The following EPG5 variants were observed in gnomAD, a reference collection of about 807,000 sequenced individuals.
EPG5 encodes the protein ectopic P-granules 5 autophagy tethering factor, also known as ectopic P granules protein 5 homolog.
EPG5 carries 159 observed loss-of-function variants against 302.7 expected under a neutral mutation model. The observed-to-expected ratio is 0.53, with a 90% confidence interval of 0.46 to 0.60. The LOEUF (loss-of-function observed/expected upper bound fraction) is 0.60. Among genes scored for constraint, EPG5 ranks in the 20% least tolerant of loss-of-function variants. The pLI is 0.00. For missense variants in EPG5, 2,896 were observed against 3,092.4 expected (o/e 0.94, Z 1.51); for synonymous variants, 1,158 against 1,136.8 (o/e 1.02, Z -0.37).
chr18:45,927,612 A>G lies in EPG5; in HGVS notation c.2553+1257T>C, dbSNP rs1037454065. Among the ~76,000 whole-genome samples the G allele has an allele frequency of 7.3e-5, 11 of 151,302 alleles. No individual in the cohort carries two copies. In the East Asian group the frequency reaches 1.9e-3, roughly 27 times the overall value. ...AAGTTATACACACACACACACACAC[A>G]CACACACACACACACACACACGCAC... On this transcript the variant is annotated intron_variant, in intron 13 of 43. Coordinates refer to ENST00000282041, the MANE Select transcript of EPG5 (RefSeq NM_020964.3).
Position 45,955,049 on chromosome 18 carries a change from A to C in EPG5, c.353T>G (p.Val118Gly). The change falls in exon 2 of 44, where the codon GTC (valine) becomes GGC (glycine). Residue 118 changes from valine to glycine, a missense_variant. Val to Gly is a moderately radical substitution (Grantham distance 109). This residue lies in a region of EPG5 where 1,390 missense variants were observed against 1,430.0 expected (regional missense o/e 0.97). Transcript: ENST00000282041. The part of the protein sequence containing the change: ...EARPCVGDSA[V>G]TPKVHPGDNV... ...GTCTCCAGGGTGGACCTTTGGAGTG[A>C]CTGCACTGTCCCCCACACAGGGTCT... The C allele has an allele frequency of 1.9e-6, 3 of 1,614,156 alleles. No homozygotes were observed. Among genetic ancestry groups the C allele is most frequent in the Non-Finnish European group, 2.5e-6 (3 of 1,180,012 alleles).
At chr18:45,876,184 C>T in intron 35 of EPG5, 52 bp downstream of exon 35, 1 of 1,271,372 alleles carries the variant, frequency 7.9e-7, no homozygotes, top group African/African-American at 1.5e-5. Flanking sequence ...AAAAGACTGA[C>T]TGACTTAGGG....
chr18:45,820,681 A>G, the EPG5 span, among the ~76,000 whole-genome samples: 5 of 152,152 alleles, frequency 3.3e-5, no homozygotes, highest in Non-Finnish European at 5.9e-5. Context: ...AAACCTGCTT[A>G]CAAGTGGCAG....
At chr18:45,891,257 G>A (rs1025718349) in intron 27 of EPG5, among the ~76,000 whole-genome samples, 3 of 151,930 alleles carry the variant, frequency 2.0e-5, no homozygotes, top group African/African-American at 7.3e-5. Context: ...CCAGCACTTT[G>A]GGAGGCCGAG....
the EPG5 span, among the ~76,000 whole-genome samples, chr18:45,832,308 G>A: frequency 2.0e-5 from 3 of 151,582 alleles, no homozygotes; most frequent in East Asian, 1.9e-4. Context: ...AGCCTAGGAC[G>A]TGCCAGGCAC....
At chr18:45,917,926 C>A in intron 16 of EPG5, 107 bp from the exon 17 acceptor site, 1 of 1,128,762 alleles carries the variant, frequency 8.9e-7, no homozygotes, top group Non-Finnish European at 1.3e-6. Flanking sequence ...CTCAGGTCTC[C>A]AACACATGTT....
At chr18:45,810,791 A>C in the EPG5 span, among the ~76,000 whole-genome samples, 113,866 of 151,442 alleles carry the variant, frequency 0.75, 43,931 homozygotes, top group East Asian at 0.92. Flanking sequence ...ACAACAACAA[A>C]AAAAAAGATA....
the EPG5 span, chr18:45,837,949 C>T: frequency 2.4e-4 from 341 of 1,428,284 alleles, 2 homozygotes; most frequent in African/African-American, 4.8e-3. Flanking sequence ...CTCCCGCCTG[C>T]CCCGCCCCAA....
At chr18:45,882,249 G>A (rs777448005) in intron 31 of EPG5, 25 bp downstream of exon 31, 1 of 1,554,446 alleles carries the variant, frequency 6.4e-7, no homozygotes, top group South Asian at 1.1e-5. Flanking sequence ...GATCTAGTTA[G>A]TTACAATTAA....
chr18:45,852,362 G>T lies in EPG5; in HGVS notation c.*105C>A. 4 of 1,025,304 alleles carry T rather than the reference G, an allele frequency of 3.9e-6. No homozygotes were observed. Among genetic ancestry groups the T allele is most frequent in the Non-Finnish European group, 4.3e-6 (3 of 704,952 alleles). The allele number at this position is 1,025,304 out of a possible 1,614,324, so 63.5% of individuals were successfully genotyped here. ...CTTGCATCTCAGTCAACTACACATT[G>T]GCCAAACTGAGCTCTACAGTGCAAT... On this transcript the variant is annotated 3_prime_UTR_variant, in exon 44 of 44. Transcript: ENST00000282041.
chr18:45,918,471 C>T (rs1009739767), intron 16 of EPG5, among the ~76,000 whole-genome samples: 1 of 152,186 alleles, frequency 6.6e-6, no homozygotes, highest in Non-Finnish European at 1.5e-5. Flanking sequence ...CCTGCATAAA[C>T]TGCAAAATTC....
the EPG5 span, among the ~76,000 whole-genome samples, chr18:45,834,833 G>A: frequency 6.6e-6 from 1 of 152,212 alleles, no homozygotes; most frequent in Non-Finnish European, 1.5e-5. Flanking sequence ...AGATGCAAGA[G>A]GTCAGAGGAG....
At chr18:45,940,137 CAGTGAGGAATCACATA>C (rs1568173851) in intron 9 of EPG5, among the ~76,000 whole-genome samples, 4 of 152,162 alleles carry the variant, frequency 2.6e-5, no homozygotes, top group African/African-American at 9.7e-5. Context: ...GTCTGGAAAA[CAGTGAGGAATCACATA>C]AGTCTCTATG....
At chr18:45,867,098 A>C (rs946791381) in intron 37 of EPG5, 91 bp from the exon 38 acceptor site, 3 of 843,748 alleles carry the variant, frequency 3.6e-6, no homozygotes, top group Non-Finnish European at 5.8e-6. Flanking sequence ...AACTACTAAG[A>C]TGGCCTATGG....
chr18:45,896,044 T>C (rs2049464579), intron 27 of EPG5, among the ~76,000 whole-genome samples: 2 of 152,230 alleles, frequency 1.3e-5, no homozygotes, highest in African/African-American at 2.4e-5. Flanking sequence ...CTTTCCTCTA[T>C]CTTGCCCTTT....
the EPG5 span, among the ~76,000 whole-genome samples, chr18:45,816,597 G>T: frequency 1.3e-5 from 2 of 152,078 alleles, no homozygotes; most frequent in Non-Finnish European, 2.9e-5. Flanking sequence ...ACATAATGCA[G>T]GAATGGCCAT....
intron 23 of EPG5, 90 bp downstream of exon 23, chr18:45,910,431 A>C (rs1568144988): frequency 3.2e-6 from 3 of 931,666 alleles, no homozygotes; most frequent in African/African-American, 1.7e-5. Flanking sequence ...TTAAGAGAAT[A>C]ACATCTAGCA....
intron 43 of EPG5, chr18:45,855,228 T>C (rs1412376645): frequency 2.2e-5 from 4 of 182,326 alleles, no homozygotes; most frequent in African/African-American, 9.4e-5. Context: ...TAGCCACATC[T>C]TCTGTGCGAG....
the EPG5 span, chr18:45,838,869 G>A: frequency 1.4e-5 from 23 of 1,586,870 alleles, no homozygotes; most frequent in East Asian, 5.2e-4. Context: ...GCCCGCGTGA[G>A]GGTCACGGCC....
Sources: gnomAD v4.1 joint callset for allele counts (sites outside exome capture counted in the v4.1 genomes callset) on GRCh38, gnomAD v4.1.1 for gene constraint, gnomAD v4.1.1 regional missense constraint, MANE v1.5 for transcripts, NCBI Gene and HGNC (gene_info 2026-07-23, HGNC 2026-07-21) for gene names.